Variants in NELL1 observed in about 807,000 individuals in gnomAD.
The protein encoded by NELL1 is protein kinase C-binding protein NELL1.
A neutral mutation model predicts 107.4 loss-of-function variants in NELL1; 76 were observed. That is an observed-to-expected ratio of 0.71 (90% CI 0.59 to 0.86). The LOEUF is 0.86. NELL1 is among the 40% of genes least tolerant of loss of function. The probability of loss-of-function intolerance (pLI) is 0.00; values close to 1 mark genes in which losing one functional copy is unlikely to be tolerated. For synonymous variants in NELL1, 353 were observed against 341.2 expected (o/e 1.03, Z -0.38); for missense variants, 1,024 against 1,005.5 (o/e 1.02, Z -0.25).
intron 13 of NELL1, among the ~76,000 whole-genome samples, chr11:21,133,932 G>T (rs896466903): frequency 6.6e-6 from 1 of 152,226 alleles, no homozygotes; most frequent in African/African-American, 2.4e-5. Context: ...CCCAGCTCTT[G>T]CAGGCTCCAT....
intron 13 of NELL1, among the ~76,000 whole-genome samples, chr11:21,160,058 A>T (rs546816137): frequency 1.2e-3 from 190 of 152,310 alleles, no homozygotes; most frequent in Non-Finnish European, 1.6e-3. Flanking sequence ...GAGCAACCAC[A>T]TTTCTTTTCT....
At chr11:21,422,207 C>T (rs1852696373) in intron 15 of NELL1, among the ~76,000 whole-genome samples, 1 of 151,880 alleles carries the variant, frequency 6.6e-6, no homozygotes, top group African/African-American at 2.4e-5. Context: ...CCTACCCTGC[C>T]CTGCAGGAAA....
chr11:21,396,989 G>A (rs1851996384), intron 15 of NELL1, among the ~76,000 whole-genome samples: 1 of 151,642 alleles, frequency 6.6e-6, no homozygotes, highest in Non-Finnish European at 1.5e-5. Flanking sequence ...ATGATTTTAA[G>A]GAGTATATAT....
intron 15 of NELL1, among the ~76,000 whole-genome samples, chr11:21,489,668 T>A (rs185312106): frequency 5.3e-5 from 8 of 152,036 alleles, no homozygotes; most frequent in Admixed American, 1.3e-4. Flanking sequence ...ACATGTTACA[T>A]CACATCAGCA....
intron 2 of NELL1, among the ~76,000 whole-genome samples, chr11:20,695,787 G>A (rs533230645): frequency 2.6e-5 from 4 of 152,000 alleles, no homozygotes; most frequent in Non-Finnish European, 2.9e-5. Context: ...TGCTGGCTTC[G>A]TAGAATGAGT....
intron 13 of NELL1, among the ~76,000 whole-genome samples, chr11:21,148,168 G>A (rs1472389891): frequency 6.6e-6 from 1 of 152,170 alleles, no homozygotes; most frequent in Non-Finnish European, 1.5e-5. Context: ...AAGGGATAAA[G>A]ATATGAACAC....
At chr11:20,993,011 C>T (rs1438572580) in intron 12 of NELL1, among the ~76,000 whole-genome samples, 1 of 152,160 alleles carries the variant, frequency 6.6e-6, no homozygotes, top group African/African-American at 2.4e-5. Context: ...CTTCTAGAAG[C>T]TTTGTGTTAG....
At chr11:20,936,359 A>G (rs1182618810) in intron 9 of NELL1, among the ~76,000 whole-genome samples, 1 of 152,180 alleles carries the variant, frequency 6.6e-6, no homozygotes, top group Admixed American at 6.5e-5. Flanking sequence ...GTAAGAATGT[A>G]TCCTTTGCTC....
At chr11:21,112,507 T>A (rs992396090) in intron 12 of NELL1, among the ~76,000 whole-genome samples, 6 of 152,144 alleles carry the variant, frequency 3.9e-5, no homozygotes, top group Middle Eastern at 3.4e-3. Flanking sequence ...AACTTCTGAA[T>A]TCAAATCCCA....
At chr11:21,292,260 A>G (rs182023461) in intron 14 of NELL1, among the ~76,000 whole-genome samples, 35 of 152,322 alleles carry the variant, frequency 2.3e-4, no homozygotes, top group South Asian at 2.1e-3. Flanking sequence ...ATGTGCAAAA[A>G]TCACAAGCAT....
chr11:21,283,378 G>T (rs1465397801), intron 14 of NELL1, among the ~76,000 whole-genome samples: 1 of 152,136 alleles, frequency 6.6e-6, no homozygotes, highest in Non-Finnish European at 1.5e-5. Context: ...GCACTCTCGT[G>T]TGGGATTTTG....
intron 12 of NELL1, among the ~76,000 whole-genome samples, chr11:21,088,012 A>G (rs964037630): frequency 1.5e-4 from 23 of 151,186 alleles, no homozygotes; most frequent in African/African-American, 4.9e-4. Context: ...CAAATTGTCT[A>G]TCAGTCTTCT....
chr11:21,250,356 C>G (rs1858606519), intron 14 of NELL1, among the ~76,000 whole-genome samples: 1 of 152,182 alleles, frequency 6.6e-6, no homozygotes, highest in Non-Finnish European at 1.5e-5. Flanking sequence ...CTCCACTCCA[C>G]TCGGGGGCCT....
chr11:21,028,501 C>A (rs183357021), intron 12 of NELL1, among the ~76,000 whole-genome samples: 1 of 152,060 alleles, frequency 6.6e-6, no homozygotes. Flanking sequence ...TGCCCACTGA[C>A]GAAATGAAAA....
intron 14 of NELL1, among the ~76,000 whole-genome samples, chr11:21,308,579 G>C (rs772896974): frequency 5.9e-5 from 9 of 151,988 alleles, no homozygotes; most frequent in Non-Finnish European, 1.3e-4. Context: ...ATTACTGTCT[G>C]TTCTAGGGAG....
At chr11:21,101,674 T>C (rs1469715730) in intron 12 of NELL1, among the ~76,000 whole-genome samples, 1 of 152,148 alleles carries the variant, frequency 6.6e-6, no homozygotes, top group Non-Finnish European at 1.5e-5. Context: ...TCGCCCACTT[T>C]TTGATGGGGT....
At chr11:21,457,920 G>C (rs961563693) in intron 15 of NELL1, among the ~76,000 whole-genome samples, 19 of 152,286 alleles carry the variant, frequency 1.2e-4, no homozygotes, top group East Asian at 1.2e-3. Flanking sequence ...TGTGGAAAAT[G>C]ACAAGAAGAA....
intron 15 of NELL1, among the ~76,000 whole-genome samples, chr11:21,468,527 G>C (rs1370706392): frequency 6.6e-6 from 1 of 151,930 alleles, no homozygotes; most frequent in African/African-American, 2.4e-5. Context: ...GTTAAAAAAA[G>C]GTATGAGCAT....
chr11:21,171,311 T>A (rs1221650352), intron 13 of NELL1, among the ~76,000 whole-genome samples: 5 of 151,690 alleles, frequency 3.3e-5, no homozygotes, highest in African/African-American at 1.2e-4. Context: ...CACACACACA[T>A]ACACACACAA....
Sources: allele counts gnomAD v4.1 joint callset (sites outside exome capture counted in the v4.1 genomes callset), GRCh38; gene constraint gnomAD v4.1.1; transcripts MANE v1.5; gene names NCBI Gene and HGNC (gene_info 2026-07-23, HGNC 2026-07-21).